DNAH10: variants seen among roughly 807,000 people sequenced by gnomAD.
DNAH10 encodes the protein dynein axonemal heavy chain 10.
In DNAH10, 348 loss-of-function variants were observed where a neutral mutation model predicts 506.6. The ratio of observed to expected loss-of-function variants is 0.69; its 90% CI spans 0.63 to 0.75. The LOEUF (loss-of-function observed/expected upper bound fraction) is 0.75. Ranked by LOEUF, DNAH10 falls within the 30% of genes least tolerant of loss-of-function variation. The pLI is 0.00. For synonymous variants in DNAH10, 2,059 were observed against 2,198.6 expected, an observed-to-expected ratio of 0.94 and a Z score of 1.78; for missense variants, 5,179 against 5,787.1, an observed-to-expected ratio of 0.89 and a Z score of 3.41.
intron 54 of DNAH10, 141 bp from the exon 55 acceptor site, chr12:123,897,629 G>A: frequency 2.5e-6 from 2 of 805,958 alleles, no homozygotes; most frequent in Non-Finnish European, 3.7e-6. Context: ...GGAGGCTGAG[G>A]TGGGAGGATC....
intron 12 of DNAH10, among the ~76,000 whole-genome samples, chr12:123,796,004 AAAAACT>A (rs1958261863): frequency 6.6e-6 from 1 of 152,168 alleles, no homozygotes; most frequent in Admixed American, 6.5e-5. Flanking sequence ...CTTTACCTGC[AAAAACT>A]AAAAACTAAA....
At chr12:123,890,223 G>A (rs1952918460) in intron 52 of DNAH10, among the ~76,000 whole-genome samples, 1 of 152,190 alleles carries the variant, frequency 6.6e-6, no homozygotes, top group South Asian at 2.1e-4. Context: ...TTTATTCTCA[G>A]TGCAATGACG....
intron 46 of DNAH10, among the ~76,000 whole-genome samples, chr12:123,874,265 G>GTCCATCCATCCA (rs34989387): frequency 0.021 from 3,120 of 145,590 alleles, 51 homozygotes; most frequent in Non-Finnish European, 0.032. Flanking sequence ...GAGTCCGTCC[G>GTCCATCCATCCA]TCCATCCATC....
In DNAH10 at chr12:123,910,757, A is replaced by ACCCATTCAGAGTCAGAATTC; in HGVS notation, c.10134+85_10134+86insCCCATTCAGAGTCAGAATTC. The ACCCATTCAGAGTCAGAATTC allele has an allele frequency of 2.0e-6, 3 of 1,507,918 alleles. No homozygotes were observed. The African/African-American group carries it at 4.3e-5, about 22-fold the overall frequency. 93.4% of individuals were successfully genotyped at this position (1,507,918 alleles called of 1,614,324 possible). The stretch of plus-strand genomic sequence containing the variant: ...TCACATGTACATACCTTTGCTGAAA[A>ACCCATTCAGAGTCAGAATTC]ACTTCTCCCGAGGTTCTGACTTCAA... On this transcript the variant is annotated intron_variant, in intron 59 of 78. Transcript: ENST00000673944.
chr12:123,871,587 G>A lies in DNAH10; in HGVS notation c.7770G>A (p.Leu2590=). The A allele has an allele frequency of 6.4e-7, 1 of 1,550,544 alleles. No individual in the cohort carries two copies. Among genetic ancestry groups the A allele is most frequent in the Non-Finnish European group, 8.7e-7 (1 of 1,147,046 alleles). Residue 2590 remains leucine, a synonymous_variant, in exon 45 of 79, where the codon CTG becomes CTA. Transcript: ENST00000673944. ...CTACCCAGAATTTCCTCAAAAATCT[G>A]AGTGAAGAAACTAACGTAAGTCATT... ...TATTQNFLKN[L]SEETNIVLMV...
intron 2 of DNAH10, among the ~76,000 whole-genome samples, chr12:123,770,432 G>A (rs1474942389): frequency 1.3e-5 from 2 of 150,770 alleles, no homozygotes; most frequent in Non-Finnish European, 2.9e-5. Context: ...ATGCTGTTAG[G>A]GAATTAGCAA....
intron 58 of DNAH10, among the ~76,000 whole-genome samples, 159 bp from the exon 59 acceptor site, chr12:123,910,377 A>G (rs921020599): frequency 6.6e-6 from 1 of 152,238 alleles, no homozygotes; most frequent in East Asian, 1.9e-4. Context: ...TGCAGAACCC[A>G]TCTTGGTTTG....
At chr12:123,793,878 TG>T (rs1958178418) in intron 11 of DNAH10, 63 bp from the exon 12 acceptor site, 1 of 1,100,160 alleles carries the variant, frequency 9.1e-7, no homozygotes. Flanking sequence ...TCTTATTTCT[TG>T]CCACTTTATT....
At chr12:123,776,679 A>G (rs1409004811) in intron 5 of DNAH10, among the ~76,000 whole-genome samples, 1 of 152,118 alleles carries the variant, frequency 6.6e-6, no homozygotes, top group Non-Finnish European at 1.5e-5. Context: ...ACATCAAAAC[A>G]TGATGTATAA....
rs551298601 is a variant in DNAH10, at chr12:123,851,799, G to T, written c.6291+723G>T. Among the ~76,000 whole-genome samples the T allele has an allele frequency of 3.9e-5, 6 of 152,274 alleles. No individual in the cohort carries two copies. The South Asian group carries it at 1.2e-3, about 32-fold the overall frequency. ...CCACGACCACAAAGAAGAGAGACAG[G>T]GTCTTACTCTGTCACCCAGGCTGGA... On this transcript the variant is annotated intron_variant, in intron 35 of 78. Transcript: ENST00000673944.
At position 123,799,248 on chromosome 12, in the gene DNAH10, C is replaced by A; in HGVS notation, c.2166C>A (p.Val722=). The A allele has an allele frequency of 1.9e-6, 3 of 1,603,344 alleles. No homozygotes were observed. Among genetic ancestry groups the A allele is most frequent in the South Asian group, 1.1e-5 (1 of 89,514 alleles). ...CGGTTGCTTGAATTCTTTGATAGGT[C>A]AAACAAAAATATTTGGAAGTAGGTA... ...EILDSDRGQE[V]KQKYLEVGRT... The change falls in exon 14 of 79, where the codon GTC becomes GTA. Residue 722 remains valine, a splice_region_variant and synonymous_variant. Transcript: ENST00000673944.
Position 123,875,406 on chromosome 12 carries a change from C to G in DNAH10, c.8114C>G (p.Ser2705Trp). The change falls in exon 47 of 79, where the codon TCG becomes TGG. Residue 2705 changes from serine to tryptophan, a missense_variant. Around this residue, in one of 3 missense-constraint regions of DNAH10, gnomAD observed 4,844 missense variants for 5,430.5 expected, o/e 0.89. Transcript: ENST00000673944. ...GRNEVDPRFI[S>W]LFSVFNVPFP... is the part of the protein sequence containing the mutation. ...AATGAAGTTGACCCAAGATTTATTT[C>G]GCTATTCAGTGTCTTCAATGTGCCA... The G allele has an allele frequency of 6.2e-7, 1 of 1,613,992 alleles. No homozygotes were observed. Among genetic ancestry groups the G allele is most frequent in the Non-Finnish European group, 8.5e-7 (1 of 1,179,894 alleles).
chr12:123,875,546 CAT>C, intron 47 of DNAH10, 55 bp downstream of exon 47: 1 of 1,603,484 alleles, frequency 6.2e-7, no homozygotes, highest in African/African-American at 1.3e-5. Flanking sequence ...TGGGGGGAAA[CAT>C]ACACAGGGCT....
chr12:123,783,847 G>A (rs748235238), intron 7 of DNAH10, 100 bp from the exon 8 acceptor site: 3 of 1,084,396 alleles, frequency 2.8e-6, no homozygotes, highest in Non-Finnish European at 4.1e-6. Flanking sequence ...CTGAAGGATT[G>A]GAGCAGTTGG....
chr12:123,934,845 C>T, intron 78 of DNAH10, 79 bp downstream of exon 78: 2 of 1,565,896 alleles, frequency 1.3e-6, no homozygotes, highest in Non-Finnish European at 1.7e-6. Context: ...TGGTTTCCAA[C>T]AGTCCTACTT....
intron 24 of DNAH10, among the ~76,000 whole-genome samples, chr12:123,823,622 A>C (rs748556801): frequency 3.6e-4 from 55 of 152,300 alleles, no homozygotes; most frequent in Non-Finnish European, 4.0e-4. Context: ...TAAAATGTTT[A>C]ATTTTTCTGG....
chr12:123,768,710 T>G (rs1053771656), intron 2 of DNAH10, among the ~76,000 whole-genome samples: 1 of 152,216 alleles, frequency 6.6e-6, no homozygotes, highest in Admixed American at 6.5e-5. Flanking sequence ...AGATGCCATT[T>G]TCTTAGGAGA....
At chr12:123,777,439 G>A (rs1957481981) in intron 5 of DNAH10, among the ~76,000 whole-genome samples, 1 of 152,236 alleles carries the variant, frequency 6.6e-6, no homozygotes, top group Non-Finnish European at 1.5e-5. Flanking sequence ...TGACTTCCAT[G>A]TGAGCAGTTC....
At chr12:123,895,838 C>T (rs546178463) in intron 54 of DNAH10, among the ~76,000 whole-genome samples, 1 of 152,046 alleles carries the variant, frequency 6.6e-6, no homozygotes, top group Admixed American at 6.6e-5. Context: ...GGAGGCCAGG[C>T]GCAGTGGCTC....
Sources: gnomAD v4.1 joint callset for allele counts (sites outside exome capture counted in the v4.1 genomes callset) on GRCh38, gnomAD v4.1.1 for gene constraint, gnomAD v4.1.1 regional missense constraint, MANE v1.5 for transcripts, NCBI Gene and HGNC (gene_info 2026-07-23, HGNC 2026-07-21) for gene names.